Variants in AMBRA1 observed in about 807,000 individuals in gnomAD.
AMBRA1 encodes the protein autophagy and beclin 1 regulator 1.
AMBRA1 carries 47 observed loss-of-function variants against 125.4 expected under a neutral mutation model. The observed-to-expected ratio is 0.37, with a 90% CI of 0.30 to 0.48. The LOEUF is 0.48. Ranked by LOEUF, AMBRA1 falls within the 20% of genes least tolerant of loss-of-function variation. The probability of loss-of-function intolerance (pLI) is 0.99; values close to 1 mark genes in which losing one functional copy is unlikely to be tolerated. For missense variants in AMBRA1, 1,331 were observed against 1,693.4 expected, an observed-to-expected ratio of 0.79 and a Z score of 3.76; for synonymous variants, 626 against 655.5, an observed-to-expected ratio of 0.95 and a Z score of 0.69.
intron 1 of AMBRA1, among the ~76,000 whole-genome samples, chr11:46,585,781 A>G (rs2044375325): frequency 7.7e-6 from 1 of 130,050 alleles, no homozygotes; most frequent in African/African-American, 3.0e-5. Context: ...AGGCATAAAG[A>G]CTTTTATAAT....
intron 11 of AMBRA1, among the ~76,000 whole-genome samples, chr11:46,471,636 TG>T (rs1949594624): frequency 1.3e-5 from 2 of 151,316 alleles, no homozygotes; most frequent in Admixed American, 6.6e-5. Flanking sequence ...TGTTTTGTTT[TG>T]TTTTTTTTTT....
chr11:46,433,687 A>C (rs993755116), intron 13 of AMBRA1, 59 bp from the exon 14 acceptor site: 5 of 1,544,406 alleles, frequency 3.2e-6, no homozygotes, highest in Non-Finnish European at 4.4e-6. Context: ...CAAGGAAACA[A>C]CTTTCACTCT....
In AMBRA1 at chr11:46,397,543, G is replaced by C. The variant is rs1359505419; in HGVS notation, c.3804C>G (p.Leu1268=). 2.6e-6 allele frequency: 4 copies of C among 1,555,974 alleles called. No homozygotes were observed. The East Asian group carries it at 9.0e-5, about 35-fold the overall frequency. Residue 1268 remains leucine, a synonymous_variant, in exon 18 of 18, where the codon CTC becomes CTG. Transcript: ENST00000683756. The part of the protein sequence containing the change: ...VSLPSAEGPT[L]HCELTNNNHL... ...GGTTGTTATTGGTCAACTCGCAGTG[G>C]AGGGTTGGTCCCTCAGCGCTGGGAA...
chr11:46,561,590 C>T (rs73449951), intron 1 of AMBRA1, among the ~76,000 whole-genome samples: 1,834 of 152,126 alleles, frequency 0.012, 44 homozygotes, highest in African/African-American at 0.042. Flanking sequence ...TCAGATAGTA[C>T]CAGAGCTACA....
chr11:46,418,277 TTTA>T (rs963933966), intron 14 of AMBRA1, among the ~76,000 whole-genome samples: 5 of 143,884 alleles, frequency 3.5e-5, no homozygotes, highest in South Asian at 4.2e-4. Flanking sequence ...TATAATATGT[TTTA>T]TTATTTATAT....
At chr11:46,425,696 C>T (rs11038895) in intron 14 of AMBRA1, among the ~76,000 whole-genome samples, 15,950 of 151,638 alleles carry the variant, frequency 0.11, 1,651 homozygotes, top group East Asian at 0.55. Flanking sequence ...AGAAATTAGC[C>T]GGGGTGGTGG....
chr11:46,592,421 G>A (rs769054106), intron 1 of AMBRA1, among the ~76,000 whole-genome samples: 8 of 152,044 alleles, frequency 5.3e-5, no homozygotes, highest in Non-Finnish European at 1.2e-4. Flanking sequence ...TCTACACACA[G>A]CCTTTTTTAG....
intron 9 of AMBRA1, among the ~76,000 whole-genome samples, chr11:46,502,616 A>T (rs772282470): frequency 2.0e-5 from 3 of 152,242 alleles, no homozygotes; most frequent in Non-Finnish European, 4.4e-5. Context: ...TGTCAAGGAC[A>T]GGTGGCTAGA....
intron 11 of AMBRA1, among the ~76,000 whole-genome samples, chr11:46,479,651 T>TACACC (rs970732526): frequency 2.0e-5 from 3 of 151,626 alleles, no homozygotes; most frequent in African/African-American, 7.3e-5. Context: ...GAGCTGAGAC[T>TACACC]ACACCACGGC....
intron 1 of AMBRA1, among the ~76,000 whole-genome samples, chr11:46,586,613 GA>G (rs1291992385): frequency 6.6e-6 from 1 of 152,032 alleles, no homozygotes; most frequent in Non-Finnish European, 1.5e-5. Flanking sequence ...TGTTCTTTTG[GA>G]AAACTTTATT....
chr11:46,517,665 T>C (rs1485553829), intron 7 of AMBRA1, among the ~76,000 whole-genome samples: 4 of 149,038 alleles, frequency 2.7e-5, no homozygotes, highest in Admixed American at 1.3e-4. Flanking sequence ...AAACCATGTC[T>C]CTACTAAAAA....
intron 11 of AMBRA1, among the ~76,000 whole-genome samples, chr11:46,479,065 G>A (rs1949948244): frequency 1.3e-5 from 2 of 152,062 alleles, no homozygotes; most frequent in East Asian, 1.9e-4. Flanking sequence ...CAGGCATGGT[G>A]GCATGTGCAG....
At chr11:46,467,549 CTT>C (rs577671556) in intron 11 of AMBRA1, among the ~76,000 whole-genome samples, 66 of 134,250 alleles carry the variant, frequency 4.9e-4, no homozygotes, top group African/African-American at 1.6e-3. Context: ...CTATGTTACT[CTT>C]TTTTTTTTTT....
In AMBRA1 at chr11:46,408,675, CTCTG is replaced by C; in HGVS notation, c.3237_3240del (p.Asp1079GlufsTer5). ...CCAATGGCATTCATCAGCCCCATGT[CTCTG>C]TCTGTCCTCCATGTGGCTCTGCTGG... On this transcript the variant is annotated frameshift_variant, in exon 17 of 18. Coordinates refer to ENST00000683756, the MANE Select transcript of AMBRA1 (RefSeq NM_001387011.1). LOFTEE classifies it high-confidence loss of function. The C allele has an allele frequency of 6.3e-7, 1 of 1,576,854 alleles. No homozygotes were observed. Among genetic ancestry groups the C allele is most frequent in the Non-Finnish European group, 8.6e-7 (1 of 1,158,450 alleles).
intron 1 of AMBRA1, among the ~76,000 whole-genome samples, chr11:46,583,677 A>AAAAAAAAAAAAAAAAAAAAAAAAAAC (rs1565324615): frequency 2.1e-5 from 3 of 143,828 alleles, no homozygotes; most frequent in African/African-American, 8.0e-5. Context: ...AAAAAAAAAA[A>AAAAAAAAAAAAAAAAAAAAAAAAAAC]AACAACAAAA....
intron 16 of AMBRA1, among the ~76,000 whole-genome samples, chr11:46,409,998 C>A (rs1174351089): frequency 6.6e-6 from 1 of 152,214 alleles, no homozygotes; most frequent in African/African-American, 2.4e-5. Context: ...CAGGCCCTAT[C>A]TTCTCTCCTC....
At chr11:46,488,443 C>G (rs1271083812) in intron 11 of AMBRA1, among the ~76,000 whole-genome samples, 1 of 143,038 alleles carries the variant, frequency 7.0e-6, no homozygotes, top group African/African-American at 2.6e-5. Context: ...GGCTCTGTCT[C>G]AAAAAAACAA....
At chr11:46,569,106 C>T (rs2043654075) in intron 1 of AMBRA1, among the ~76,000 whole-genome samples, 3 of 151,746 alleles carry the variant, frequency 2.0e-5, no homozygotes, top group South Asian at 2.1e-4. Context: ...CATGCCCAGC[C>T]GACCCTACCT....
chr11:46,488,532 T>C (rs568580073), intron 11 of AMBRA1, among the ~76,000 whole-genome samples: 1 of 151,004 alleles, frequency 6.6e-6, no homozygotes, highest in Non-Finnish European at 1.5e-5. Flanking sequence ...CAATACCCAC[T>C]CTCAATAACT....
Sources: allele counts gnomAD v4.1 joint callset (sites outside exome capture counted in the v4.1 genomes callset), GRCh38; gene constraint gnomAD v4.1.1; transcripts MANE v1.5; gene names NCBI Gene and HGNC (gene_info 2026-07-23, HGNC 2026-07-21).